Variants in RBMS3 observed in about 807,000 individuals in gnomAD.
RBMS3 encodes the protein RNA-binding motif, single-stranded-interacting protein 3.
Under a neutral mutation model 66.8 loss-of-function variants are expected in RBMS3, and 27 were observed. The ratio of observed to expected loss-of-function variants is 0.40; its 90% CI spans 0.30 to 0.56. The LOEUF is 0.56. Among genes scored for constraint, RBMS3 ranks in the 20% least tolerant of loss-of-function variants. The pLI is 0.40. For missense variants in RBMS3, 513 were observed against 549.5 expected (o/e 0.93, Z 0.66); for synonymous variants, 188 against 183.0 (o/e 1.03, Z -0.22).
intron 1 of RBMS3, among the ~76,000 whole-genome samples, chr3:29,430,002 C>T (rs1490786178): frequency 6.6e-6 from 1 of 151,782 alleles, no homozygotes; most frequent in Non-Finnish European, 1.5e-5. Context: ...TCTTTGGCAG[C>T]AAGAACATAC....
At chr3:29,773,304 G>A (rs1342514446) in intron 6 of RBMS3, among the ~76,000 whole-genome samples, 1 of 151,902 alleles carries the variant, frequency 6.6e-6, no homozygotes, top group Non-Finnish European at 1.5e-5. Context: ...TAGAGGTGGT[G>A]AATATGCATA....
intron 1 of RBMS3, among the ~76,000 whole-genome samples, chr3:29,315,756 TA>T (rs1401824091): frequency 2.6e-5 from 4 of 151,716 alleles, no homozygotes; most frequent in Non-Finnish European, 4.4e-5. Flanking sequence ...GGTACATGTA[TA>T]GGGGCATGTC....
At chr3:29,744,141 C>T (rs890450057) in intron 5 of RBMS3, among the ~76,000 whole-genome samples, 3 of 151,842 alleles carry the variant, frequency 2.0e-5, no homozygotes, top group African/African-American at 7.3e-5. Flanking sequence ...CTGTTGATGC[C>T]TGATTTACAT....
chr3:29,823,285 A>G (rs946755612), intron 6 of RBMS3, among the ~76,000 whole-genome samples: 43 of 152,158 alleles, frequency 2.8e-4, no homozygotes, highest in Non-Finnish European at 5.7e-4. Flanking sequence ...AACAAAATAA[A>G]TGGGTTTTAT....
chr3:29,538,967 T>A (rs1468685460), intron 3 of RBMS3, among the ~76,000 whole-genome samples: 1 of 152,202 alleles, frequency 6.6e-6, no homozygotes, highest in Non-Finnish European at 1.5e-5. Flanking sequence ...CATTAACAGC[T>A]AAAGATGAAA....
chr3:29,454,402 G>A (rs1320894772), intron 2 of RBMS3, among the ~76,000 whole-genome samples: 2 of 152,182 alleles, frequency 1.3e-5, no homozygotes, highest in Non-Finnish European at 2.9e-5. Flanking sequence ...CCTCCATGTT[G>A]ATTCCTGGGT....
intron 14 of RBMS3, among the ~76,000 whole-genome samples, chr3:29,994,870 C>T (rs1452573126): frequency 2.6e-5 from 4 of 152,192 alleles, no homozygotes; most frequent in African/African-American, 9.7e-5. Flanking sequence ...GAGTGCCTCT[C>T]CTCCTCCAAA....
chr3:29,332,331 G>T (rs1257353141), intron 1 of RBMS3, among the ~76,000 whole-genome samples: 2 of 151,738 alleles, frequency 1.3e-5, no homozygotes, highest in African/African-American at 4.8e-5. Context: ...GCCTCCTTTT[G>T]TTTTTTTTCC....
chr3:29,556,279 C>T (rs1389507022), intron 3 of RBMS3: 1 of 152,130 alleles, frequency 6.6e-6, no homozygotes, highest in Non-Finnish European at 1.5e-5. Flanking sequence ...TCCCATGTCT[C>T]TGGAGGAGCT....
rs535257019 is a variant in RBMS3, at chr3:29,579,090, C to T, written c.308-8024C>T. 1.5e-3 allele frequency among the ~76,000 whole-genome samples: 205 copies of T among 135,284 alleles called. 5 individuals carry two copies. Among genetic ancestry groups the T allele is most frequent in the Admixed American group, 2.6e-3 (36 of 13,596 alleles). 88.8% of individuals were successfully genotyped at this position (135,284 alleles called of 152,430 possible). On this transcript the variant is annotated intron_variant, in intron 3 of 14. Transcript: ENST00000383767. ...TGCTGGGATTACAGGCGTGAGCCAC[C>T]GCGCCCGGCCAATACATGCTTCCTA...
intron 6 of RBMS3, among the ~76,000 whole-genome samples, chr3:29,832,783 G>A (rs977668319): frequency 1.3e-5 from 2 of 152,144 alleles, no homozygotes; most frequent in Admixed American, 6.5e-5. Context: ...CCCTGAGGAA[G>A]TCCACCCATG....
chr3:29,596,580 G>T (rs2047949761), intron 4 of RBMS3, among the ~76,000 whole-genome samples: 1 of 152,174 alleles, frequency 6.6e-6, no homozygotes, highest in African/African-American at 2.4e-5. Flanking sequence ...TGAAAAAATA[G>T]GAGATGTCCC....
At chr3:29,535,089 A>C (rs1040808869) in intron 3 of RBMS3, among the ~76,000 whole-genome samples, 2 of 152,162 alleles carry the variant, frequency 1.3e-5, no homozygotes, top group African/African-American at 4.8e-5. Flanking sequence ...GAAAACTTAC[A>C]AGGTCATTTA....
At chr3:29,882,424 A>T (rs2059758199) in intron 7 of RBMS3, among the ~76,000 whole-genome samples, 1 of 152,140 alleles carries the variant, frequency 6.6e-6, no homozygotes, top group East Asian at 1.9e-4. Context: ...CATGAATGAG[A>T]TTCATAAATT....
rs1271376659 is a variant in RBMS3 at position 29,837,659 on chromosome 3, T to A, written c.638-31199T>A. Among the ~76,000 whole-genome samples, 67 of 81,798 alleles carry A rather than the reference T, an allele frequency of 8.2e-4. No homozygotes were observed. The East Asian group carries it at 0.025, about 30-fold the overall frequency. The allele number at this position is 81,798 out of a possible 152,430, so 53.7% of individuals were successfully genotyped here. A position where few individuals can be genotyped will look rare whatever the true frequency, so the allele number is the denominator to read the frequency against. On this transcript the variant is annotated intron_variant, in intron 6 of 14. Transcript: ENST00000383767. ...ATATATAATGAACATATATATATAA[T>A]GAACATATATATATATATATATATA...
intron 4 of RBMS3, among the ~76,000 whole-genome samples, chr3:29,673,698 A>C (rs562497135): frequency 6.6e-6 from 1 of 152,292 alleles, no homozygotes; most frequent in African/African-American, 2.4e-5. Context: ...CCCAAGACTA[A>C]ACCAGGAAGA....
intron 4 of RBMS3, among the ~76,000 whole-genome samples, chr3:29,596,530 G>C (rs1205377769): frequency 1.3e-5 from 2 of 152,202 alleles, no homozygotes. Context: ...ATTCTTACTA[G>C]GGTCCTTGGA....
intron 1 of RBMS3, among the ~76,000 whole-genome samples, chr3:29,402,780 T>G (rs1188877438): frequency 6.6e-6 from 1 of 151,990 alleles, no homozygotes; most frequent in Non-Finnish European, 1.5e-5. Context: ...TGTACAATGT[T>G]TGCATTCTGT....
At chr3:29,769,275 T>C (rs1298062336) in intron 6 of RBMS3, among the ~76,000 whole-genome samples, 2 of 151,834 alleles carry the variant, frequency 1.3e-5, no homozygotes, top group African/African-American at 4.8e-5. Context: ...AGATGGCTGA[T>C]AAAAATGGAA....
Sources: allele counts gnomAD v4.1 joint callset (sites outside exome capture counted in the v4.1 genomes callset), GRCh38; gene constraint gnomAD v4.1.1; transcripts MANE v1.5; gene names NCBI Gene and HGNC (gene_info 2026-07-23, HGNC 2026-07-21).